CCDC85C: variants seen among roughly 807,000 people sequenced by gnomAD.
The protein encoded by CCDC85C is coiled-coil domain containing 85C, also known as coiled-coil domain-containing protein 85C.
In CCDC85C, 18 loss-of-function variants were observed where a neutral mutation model predicts 38.3. The observed-to-expected ratio is 0.47, with a 90% confidence interval of 0.33 to 0.70. The LOEUF is 0.70. CCDC85C is among the 30% of genes least tolerant of loss of function. The pLI is 0.03. For synonymous variants in CCDC85C, 264 were observed against 293.8 expected (o/e 0.90, Z 1.04); for missense variants, 566 against 621.2 (o/e 0.91, Z 0.94).
chr14:99,500,951 TCAAAAGCG>T lies in CCDC85C; in HGVS notation c.*14287_*14294del, dbSNP rs1159572732. 1 of 901,884 alleles carries T rather than the reference TCAAAAGCG, an allele frequency of 1.1e-6. No homozygotes were observed. The highest frequency in any genetic ancestry group is 1.7e-6 in the Non-Finnish European group (1 of 578,576). 55.9% of individuals were successfully genotyped at this position (901,884 alleles called of 1,614,324 possible). On this transcript the variant is annotated 3_prime_UTR_variant, in exon 6 of 6. Coordinates refer to ENST00000380243, the MANE Select transcript of CCDC85C (RefSeq NM_001144995.2). ...TTTGATGACACTCAAATTACGCTTCTCAAAAGCGGAAAACAAAGTTTGATGTGTGAAAT... is the reference window on the plus strand; with the variant it reads ...TTTGATGACACTCAAATTACGCTTCTGAAAACAAAGTTTGATGTGTGAAAT...
Position 99,603,447 on chromosome 14 carries a change from CCCGCCG to C in CCDC85C, c.507_512del (p.Gly172_Gly173del). 4 of 1,271,960 alleles carry C rather than the reference CCCGCCG, an allele frequency of 3.1e-6. No homozygotes were observed. Among genetic ancestry groups the C allele is most frequent in the Non-Finnish European group, 9.9e-7 (1 of 1,012,956 alleles). 78.8% of individuals were successfully genotyped at this position (1,271,960 alleles called of 1,614,324 possible). On this transcript the variant is annotated inframe_deletion, in exon 1 of 6. Coordinates refer to ENST00000380243, the MANE Select transcript of CCDC85C (RefSeq NM_001144995.2). The surrounding 1 kb of genome is among the most constrained non-coding windows in gnomAD (Gnocchi z 7.5). Reference sequence around the variant, plus strand: ...TGGAGCTGCGGGAGCCGGCGCCGCCCCCGCCGCCGCCGCCACCGCTTGCGGCCCCCG... The same window carrying C: ...TGGAGCTGCGGGAGCCGGCGCCGCCCCCGCCGCCACCGCTTGCGGCCCCCG...
intron 1 of CCDC85C, among the ~76,000 whole-genome samples, chr14:99,567,546 C>T (rs1454952655): frequency 2.6e-5 from 4 of 152,136 alleles, no homozygotes; most frequent in Non-Finnish European, 4.4e-5. Flanking sequence ...GGCAGGAGGC[C>T]GGACACAGGG....
At chr14:99,581,646 A>C (rs957210922) in intron 1 of CCDC85C, among the ~76,000 whole-genome samples, 2 of 152,190 alleles carry the variant, frequency 1.3e-5, no homozygotes, top group African/African-American at 4.8e-5. Context: ...CGCCAGGCCA[A>C]AGGAGGATTT....
intron 1 of CCDC85C, among the ~76,000 whole-genome samples, chr14:99,551,507 G>A (rs1181863346): frequency 6.6e-6 from 1 of 151,772 alleles, no homozygotes; most frequent in African/African-American, 2.4e-5. Flanking sequence ...GTGTGCAGGT[G>A]GGTGTGCAGG....
rs148603851 is a variant in CCDC85C at position 99,500,917 on chromosome 14, T to A, written c.*14329A>T. 4.2e-6 allele frequency: 5 copies of A among 1,185,960 alleles called. No homozygotes were observed. In the Admixed American group the frequency reaches 1.2e-4, roughly 29 times the overall value. 73.5% of individuals were successfully genotyped at this position (1,185,960 alleles called of 1,614,324 possible). A position where few individuals can be genotyped will look rare whatever the true frequency, so the allele number is the denominator to read the frequency against. On this transcript the variant is annotated 3_prime_UTR_variant, in exon 6 of 6. Transcript: ENST00000380243. ...AGAATTTTTTCATTCTGAAATCAAG[T>A]CTTTATAATTTGATGACACTCAAAT...
rs1896901870 is a variant in CCDC85C, at chr14:99,503,758, G to C, written c.*11488C>G. ...AAATTGGCCTTAAATCTTAACTTTA[G>C]AGCTCATACAAAACTTTTCCATCAG... On this transcript the variant is annotated 3_prime_UTR_variant, in exon 6 of 6. Coordinates refer to ENST00000380243, the MANE Select transcript of CCDC85C (RefSeq NM_001144995.2). 2 of 882,670 alleles carry C rather than the reference G, an allele frequency of 2.3e-6. No individual in the cohort carries two copies. Among genetic ancestry groups the C allele is most frequent in the Non-Finnish European group, 3.5e-6 (2 of 571,528 alleles). The allele number at this position is 882,670 out of a possible 1,614,324, so 54.7% of individuals were successfully genotyped here.
chr14:99,518,557 CT>C (rs1353289345), intron 3 of CCDC85C, among the ~76,000 whole-genome samples: 3 of 151,414 alleles, frequency 2.0e-5, no homozygotes, highest in Admixed American at 1.3e-4. Flanking sequence ...GGGATTCCCC[CT>C]GGGGCAACGC....
rs1393452439 is a variant in CCDC85C at position 99,567,073 on chromosome 14, A to C, written c.794-30985T>G. On this transcript the variant is annotated intron_variant, in intron 1 of 5. Coordinates refer to ENST00000380243, the MANE Select transcript of CCDC85C (RefSeq NM_001144995.2). Reference sequence around the variant, plus strand: ...AAGTTCCCAAGTAGTCCAGGCCTAGATTCCCCTCCAACGCGGCCCATCTCT... The same window carrying C: ...AAGTTCCCAAGTAGTCCAGGCCTAGCTTCCCCTCCAACGCGGCCCATCTCT... 2.0e-5 allele frequency among the ~76,000 whole-genome samples: 3 copies of C among 152,160 alleles called. 1 individual carries two copies. Among genetic ancestry groups the C allele is most frequent in the Non-Finnish European group, 4.4e-5 (3 of 68,024 alleles).
At chr14:99,530,972 C>A (rs1199300178) in intron 2 of CCDC85C, among the ~76,000 whole-genome samples, 2 of 152,204 alleles carry the variant, frequency 1.3e-5, no homozygotes, top group Admixed American at 1.3e-4. Context: ...GGTTTAAGTC[C>A]CCCAGTCTGT....
chr14:99,529,741 C>G (rs1897456632), intron 2 of CCDC85C, among the ~76,000 whole-genome samples: 1 of 152,232 alleles, frequency 6.6e-6, no homozygotes, highest in South Asian at 2.1e-4. Context: ...CCTACCTTGG[C>G]TGAGTAAGCC....
chr14:99,531,668 T>C (rs1595345602), intron 2 of CCDC85C, among the ~76,000 whole-genome samples: 1 of 144,990 alleles, frequency 6.9e-6, no homozygotes, highest in Admixed American at 6.8e-5. Context: ...CGTCACCTTA[T>C]GCTATTCCAG....
chr14:99,516,039 G>A lies in CCDC85C; in HGVS notation c.1170+149C>T. 1 of 679,254 alleles carries A rather than the reference G, an allele frequency of 1.5e-6. No individual in the cohort carries two copies. Among genetic ancestry groups the A allele is most frequent in the Non-Finnish European group, 2.6e-6 (1 of 384,280 alleles). 42.1% of individuals were successfully genotyped at this position (679,254 alleles called of 1,614,324 possible). A position where few individuals can be genotyped will look rare whatever the true frequency, so the allele number is the denominator to read the frequency against. The stretch of plus-strand genomic sequence containing the variant: ...ACGGGCCAGGGCTCCTAGCACCTCT[G>A]AGGCCTCCCCCCAGCTATCCAAGGT... On this transcript the variant is annotated intron_variant, in intron 5 of 5. Coordinates refer to ENST00000380243, the MANE Select transcript of CCDC85C (RefSeq NM_001144995.2). The surrounding 1 kb of genome is among the most constrained non-coding windows in gnomAD (Gnocchi z 5.5).
intron 1 of CCDC85C, among the ~76,000 whole-genome samples, chr14:99,566,233 C>T (rs761732759): frequency 2.0e-4 from 31 of 152,234 alleles, no homozygotes; most frequent in Non-Finnish European, 4.0e-4. Flanking sequence ...AGCATCACTG[C>T]CAATGTCTTG....
chr14:99,589,828 A>G (rs12897461), intron 1 of CCDC85C, among the ~76,000 whole-genome samples: 71,184 of 152,012 alleles, frequency 0.47, 17,590 homozygotes, highest in African/African-American at 0.64. Flanking sequence ...CAGCCAGGAG[A>G]ATCCCGCCAC....
In CCDC85C at chr14:99,513,080, C is replaced by G. The variant is rs1217013221; in HGVS notation, c.*2166G>C. 3.3e-5 allele frequency: 5 copies of G among 152,364 alleles called. No individual in the cohort carries two copies. The highest frequency in any genetic ancestry group is 4.1e-4 in the South Asian group (2 of 4,830). 9.4% of individuals were successfully genotyped at this position (152,364 alleles called of 1,614,324 possible). A position where few individuals can be genotyped will look rare whatever the true frequency, so the allele number is the denominator to read the frequency against. ...ATGTTCCACTGATCCCTGGATGCCA[C>G]TGCAGCATTAAAGACAGGGTCAGTC... On this transcript the variant is annotated 3_prime_UTR_variant, in exon 6 of 6. Transcript: ENST00000380243.
intron 1 of CCDC85C, among the ~76,000 whole-genome samples, chr14:99,556,325 G>T (rs1898010399): frequency 6.6e-6 from 1 of 152,148 alleles, no homozygotes; most frequent in Non-Finnish European, 1.5e-5. Context: ...GGCTAAGGCG[G>T]GAGGATCACT....
chr14:99,519,481 C>T (rs143240995), intron 3 of CCDC85C, among the ~76,000 whole-genome samples: 257 of 152,228 alleles, frequency 1.7e-3, no homozygotes, highest in Middle Eastern at 6.8e-3. Context: ...GACCAAACAG[C>T]TTGTAAACAA....
rs1180386644 is a variant in CCDC85C, at chr14:99,507,764, T to G, written c.*7482A>C. On this transcript the variant is annotated 3_prime_UTR_variant, in exon 6 of 6. Transcript: ENST00000380243. ...AGGCTCCGGCCGCCCCTACACCTGC[T>G]TCCTATTGGCAGTGTGTCGTCTTAG... 1 of 153,366 alleles carries G rather than the reference T, an allele frequency of 6.5e-6. No individual in the cohort carries two copies. Among genetic ancestry groups the G allele is most frequent in the African/African-American group, 2.4e-5 (1 of 41,454 alleles). 9.5% of individuals were successfully genotyped at this position (153,366 alleles called of 1,614,324 possible).
Position 99,515,114 on chromosome 14 carries a change from C to T in CCDC85C, c.*132G>A, listed in dbSNP as rs1897200423. On this transcript the variant is annotated 3_prime_UTR_variant, in exon 6 of 6. Coordinates refer to ENST00000380243, the MANE Select transcript of CCDC85C (RefSeq NM_001144995.2). ...CCCATGGCAGCTGGGCCAGGGCGGG[C>T]AGCGTCCTATGTACAGTTCACCACA... is the stretch of plus-strand genomic sequence containing the variant. 3.1e-6 allele frequency: 2 copies of T among 646,856 alleles called. No individual in the cohort carries two copies. Among genetic ancestry groups the T allele is most frequent in the Non-Finnish European group, 5.2e-6 (2 of 383,270 alleles). The allele number at this position is 646,856 out of a possible 1,614,324, so 40.1% of individuals were successfully genotyped here.
Sources: gnomAD v4.1 joint callset for allele counts (sites outside exome capture counted in the v4.1 genomes callset) on GRCh38, gnomAD v4.1.1 for gene constraint, Gnocchi (gnomAD v3.1) non-coding constraint, MANE v1.5 for transcripts, NCBI Gene and HGNC (gene_info 2026-07-23, HGNC 2026-07-21) for gene names.